Variants in AP2B1 observed in about 807,000 individuals in gnomAD.
AP2B1 encodes the protein adaptor related protein complex 2 subunit beta 1.
Under a neutral mutation model 102.0 loss-of-function variants are expected in AP2B1, and 23 were observed. The observed-to-expected ratio is 0.23, with a 90% CI of 0.16 to 0.32. AP2B1 has a LOEUF of 0.32. Ranked by LOEUF, AP2B1 falls within the 10% of genes least tolerant of loss-of-function variation. AP2B1 has a pLI of 1.00. For missense variants in AP2B1, 541 were observed against 1,157.4 expected (o/e 0.47, Z 7.73); for synonymous variants, 381 against 421.2 (o/e 0.90, Z 1.17).
chr17:35,717,069 C>A, intron 20 of AP2B1, 126 bp from the exon 21 acceptor site: 1 of 1,044,528 alleles, frequency 9.6e-7, no homozygotes, highest in Non-Finnish European at 1.4e-6. Flanking sequence ...CTGAAGTGTA[C>A]ACATGTCCAT....
intron 21 of AP2B1, among the ~76,000 whole-genome samples, chr17:35,722,670 A>AATCTCACGGTGCTACATCATT (rs2085436149): frequency 6.6e-6 from 1 of 152,168 alleles, no homozygotes; most frequent in African/African-American, 2.4e-5. Context: ...AATAGTCTAA[A>AATCTCACGGTGCTACATCATT]ATCTCACGGT....
At chr17:35,689,884 T>C (rs759494614) in intron 18 of AP2B1, among the ~76,000 whole-genome samples, 1 of 152,238 alleles carries the variant, frequency 6.6e-6, no homozygotes, top group Non-Finnish European at 1.5e-5. Flanking sequence ...ATATTTCTTT[T>C]ACCTTTGGTT....
intron 18 of AP2B1, among the ~76,000 whole-genome samples, chr17:35,698,131 A>C (rs771910358): frequency 6.6e-6 from 1 of 152,178 alleles, no homozygotes; most frequent in Non-Finnish European, 1.5e-5. Context: ...GTTTTTCTTT[A>C]CTTGCTATTA....
intron 10 of AP2B1, among the ~76,000 whole-genome samples, chr17:35,639,205 A>C (rs225268): frequency 0.87 from 132,393 of 152,102 alleles, 58,021 homozygotes; most frequent in African/African-American, 0.97. Flanking sequence ...TGGTGGCACT[A>C]AATTGTAGTC....
intron 3 of AP2B1, among the ~76,000 whole-genome samples, chr17:35,604,990 C>T (rs2142379196): frequency 6.6e-6 from 1 of 152,242 alleles, no homozygotes; most frequent in African/African-American, 2.4e-5. Flanking sequence ...GTGACGTGAT[C>T]ATGGCTCACT....
intron 3 of AP2B1, among the ~76,000 whole-genome samples, chr17:35,603,323 A>C (rs1033683410): frequency 1.3e-5 from 2 of 152,202 alleles, no homozygotes; most frequent in African/African-American, 4.8e-5. Context: ...ATTGTGGGGA[A>C]GATTTATTGC....
intron 20 of AP2B1, among the ~76,000 whole-genome samples, chr17:35,710,695 G>T (rs950472631): frequency 6.6e-6 from 1 of 152,172 alleles, no homozygotes; most frequent in Admixed American, 6.5e-5. Context: ...AATTTTTGGT[G>T]TTGGAGGAAG....
intron 10 of AP2B1, among the ~76,000 whole-genome samples, chr17:35,638,180 T>C (rs1443199424): frequency 6.6e-6 from 1 of 152,128 alleles, no homozygotes; most frequent in Non-Finnish European, 1.5e-5. Context: ...CTGAATGTGA[T>C]TGGTAGAGAA....
At chr17:35,677,491 G>A (rs2075726717) in intron 17 of AP2B1, among the ~76,000 whole-genome samples, 1 of 152,110 alleles carries the variant, frequency 6.6e-6, no homozygotes, top group South Asian at 2.1e-4. Context: ...TGTAAATTAA[G>A]AGTCAATGTA....
chr17:35,608,107 GTA>G (rs761895667), intron 4 of AP2B1, 33 bp from the exon 5 acceptor site: 1 of 1,610,120 alleles, frequency 6.2e-7, no homozygotes, highest in Non-Finnish European at 8.5e-7. Context: ...TAGCCACCAT[GTA>G]TACCTACAGT....
chr17:35,723,107 T>C (rs1555593730), intron 21 of AP2B1, among the ~76,000 whole-genome samples: 1 of 152,212 alleles, frequency 6.6e-6, no homozygotes. Flanking sequence ...TAGGGGTGTA[T>C]ACTCTCCTCA....
At chr17:35,645,365 T>C (rs1197088522) in intron 12 of AP2B1, among the ~76,000 whole-genome samples, 2 of 152,216 alleles carry the variant, frequency 1.3e-5, no homozygotes, top group Admixed American at 6.5e-5. Context: ...GTTCTTTACC[T>C]GTGCTGAGAA....
chr17:35,598,491 A>G (rs1299925057), intron 3 of AP2B1, among the ~76,000 whole-genome samples, 156 bp downstream of exon 3: 1 of 152,200 alleles, frequency 6.6e-6, no homozygotes. Context: ...TTGCCTTTGT[A>G]TTAATGCTCT....
intron 5 of AP2B1, among the ~76,000 whole-genome samples, chr17:35,611,021 G>T (rs144321691): frequency 6.6e-6 from 1 of 152,114 alleles, no homozygotes; most frequent in Admixed American, 6.5e-5. Context: ...GCTGTAGTGA[G>T]CTATGATTGC....
intron 2 of AP2B1, chr17:35,596,927 T>TGCCCG (rs2142320515): frequency 1.4e-6 from 1 of 701,048 alleles, no homozygotes; most frequent in African/African-American, 1.8e-5. Context: ...CCCGATGCCC[T>TGCCCG]ATGCCAGGAG....
chr17:35,678,370 G>A (rs1283973599), intron 17 of AP2B1, among the ~76,000 whole-genome samples: 1 of 151,726 alleles, frequency 6.6e-6, no homozygotes, highest in Admixed American at 6.6e-5. Flanking sequence ...TCAATCTTAT[G>A]CCTTTTATTT....
intron 13 of AP2B1, 63 bp from the exon 14 acceptor site, chr17:35,657,536 A>G: frequency 2.2e-6 from 3 of 1,379,684 alleles, no homozygotes; most frequent in East Asian, 2.3e-5. Context: ...TGTTGTTGCG[A>G]TGTTATGTCC....
At chr17:35,610,535 G>C (rs1419434764) in intron 5 of AP2B1, among the ~76,000 whole-genome samples, 1 of 151,980 alleles carries the variant, frequency 6.6e-6, no homozygotes, top group Non-Finnish European at 1.5e-5. Context: ...GGCTGAGGCA[G>C]AAGGATCACT....
chr17:35,651,461 A>C (rs971437022), intron 13 of AP2B1, among the ~76,000 whole-genome samples: 4 of 152,200 alleles, frequency 2.6e-5, no homozygotes, highest in African/African-American at 9.7e-5. Context: ...AAACTCTTAC[A>C]ATGGGTATCT....
Sources: gnomAD v4.1 joint callset for allele counts (sites outside exome capture counted in the v4.1 genomes callset) on GRCh38, gnomAD v4.1.1 for gene constraint, MANE v1.5 for transcripts, NCBI Gene and HGNC (gene_info 2026-07-23, HGNC 2026-07-21) for gene names.